Variants in CAPRIN1 observed in about 807,000 individuals in gnomAD.
CAPRIN1 encodes the protein caprin-1.
Under a neutral mutation model 100.9 loss-of-function variants are expected in CAPRIN1, and 29 were observed. The ratio of observed to expected loss-of-function variants is 0.29; its 90% CI spans 0.21 to 0.39. CAPRIN1 has a LOEUF of 0.39. CAPRIN1 is among the 10% of genes least tolerant of loss of function. CAPRIN1 has a pLI of 1.00. For synonymous variants in CAPRIN1, 338 were observed against 307.5 expected (o/e 1.10, Z -1.04); for missense variants, 795 against 876.7 (o/e 0.91, Z 1.18).
In CAPRIN1 at chr11:34,076,326, C is replaced by A; in HGVS notation, c.457C>A (p.Gln153Lys). The stretch of plus-strand genomic sequence containing the variant: ...ACGTTTAAAAACTGTACTTGAGCTA[C>A]AGTATGTTTTGGACAAATTGGGAGA... Reference protein sequence around the residue: ...QKRLKTVLELQYVLDKLGDDE... With the variant: ...QKRLKTVLELKYVLDKLGDDE... The change falls in exon 5 of 19, where the codon CAG becomes AAG. Residue 153 changes from glutamine to lysine, a missense_variant. Coordinates refer to ENST00000341394, the MANE Select transcript of CAPRIN1 (RefSeq NM_005898.5). The A allele has an allele frequency of 1.2e-6, 2 of 1,614,148 alleles. No homozygotes were observed. Among genetic ancestry groups the A allele is most frequent in the Non-Finnish European group, 1.7e-6 (2 of 1,180,010 alleles).
At chr11:34,088,801 CATTTT>C (rs1299912373) in intron 11 of CAPRIN1, among the ~76,000 whole-genome samples, 2 of 152,134 alleles carry the variant, frequency 1.3e-5, no homozygotes, top group Non-Finnish European at 2.9e-5. Flanking sequence ...ATTCTATTAA[CATTTT>C]ACTTTACTTT....
At chr11:34,082,551 C>A (rs1050175288) in intron 7 of CAPRIN1, among the ~76,000 whole-genome samples, 6 of 152,092 alleles carry the variant, frequency 3.9e-5, no homozygotes, top group Non-Finnish European at 8.8e-5. Context: ...GTAGAGATTT[C>A]CCATTTACTT....
At chr11:34,054,209 A>C (rs1416475631) in intron 2 of CAPRIN1, among the ~76,000 whole-genome samples, 1 of 150,456 alleles carries the variant, frequency 6.6e-6, no homozygotes, top group Non-Finnish European at 1.5e-5. Context: ...CTTGAATTTC[A>C]TGGACTTGGG....
chr11:34,076,545 A>G lies in CAPRIN1; in HGVS notation c.606-15A>G. The G allele has an allele frequency of 7.5e-6, 12 of 1,610,422 alleles. No homozygotes were observed. Among genetic ancestry groups the G allele is most frequent in the East Asian group, 4.5e-5 (2 of 44,852 alleles). ...ACAACTGAAAGGTTATTAATTAGCT[A>G]TTTACTATTAAAAGGTTGAATGAAC... On this transcript the variant is annotated splice_polypyrimidine_tract_variant and intron_variant, in intron 5 of 18. Coordinates refer to ENST00000341394, the MANE Select transcript of CAPRIN1 (RefSeq NM_005898.5).
intron 11 of CAPRIN1, among the ~76,000 whole-genome samples, chr11:34,087,328 C>CTTT (rs1565095087): frequency 1.6e-4 from 15 of 94,590 alleles, no homozygotes; most frequent in African/African-American, 5.8e-4. Context: ...ATATCTCTCA[C>CTTT]ATTTTTTTTT....
chr11:34,090,998 T>G (rs1851253169), intron 14 of CAPRIN1, among the ~76,000 whole-genome samples: 2 of 152,170 alleles, frequency 1.3e-5, no homozygotes, highest in Non-Finnish European at 2.9e-5. Flanking sequence ...TTACCTAGAT[T>G]TAATAGTTGC....
chr11:34,061,375 T>G (rs113430917), intron 2 of CAPRIN1, among the ~76,000 whole-genome samples: 25 of 151,872 alleles, frequency 1.6e-4, no homozygotes, highest in African/African-American at 5.8e-4. Context: ...CCCGGCTAAT[T>G]TTCTGTATTT....
chr11:34,089,362 T>G (rs1291530774), intron 11 of CAPRIN1, 33 bp from the exon 12 acceptor site: 1 of 1,462,900 alleles, frequency 6.8e-7, no homozygotes, highest in Non-Finnish European at 9.4e-7. Flanking sequence ...AATTTAATTT[T>G]GTTTGACAAA....
Position 34,071,727 on chromosome 11 carries a change from G to T in CAPRIN1, c.218G>T (p.Gly73Val), listed in dbSNP as rs1160630812. The T allele has an allele frequency of 1.2e-6, 2 of 1,608,514 alleles. No individual in the cohort carries two copies. Among genetic ancestry groups the T allele is most frequent in the Admixed American group, 1.7e-5 (1 of 59,974 alleles). ...ATTCTTTTTTTTCTTTTAACATAGG[G>T]TAAGCTTGATGATTACCAGGAACGA... ...KKLRNLEKKK[G>V]KLDDYQERMN... The change falls in exon 3 of 19, where the codon GGT becomes GTT. Residue 73 changes from glycine (G) to valine (V), a missense_variant and splice_region_variant. Gly to Val is a moderately radical substitution (Grantham distance 109). Coordinates refer to ENST00000341394, the MANE Select transcript of CAPRIN1 (RefSeq NM_005898.5).
intron 15 of CAPRIN1, among the ~76,000 whole-genome samples, chr11:34,092,944 C>G (rs1015696440): frequency 6.6e-6 from 1 of 151,994 alleles, no homozygotes; most frequent in South Asian, 2.1e-4. Context: ...CCTCAAACTC[C>G]TGGGCTCAAT....
At chr11:34,098,156 C>T in intron 18 of CAPRIN1, 1 of 1,004,326 alleles carries the variant, frequency 1.0e-6, no homozygotes, top group Non-Finnish European at 1.2e-6. Context: ...TTTTTTGAAA[C>T]ATGCCTATTA....
At chr11:34,052,375 C>T (rs775904765) in intron 1 of CAPRIN1, 46 bp from the exon 2 acceptor site, 4 of 1,513,676 alleles carry the variant, frequency 2.6e-6, no homozygotes, top group Non-Finnish European at 3.6e-6. Context: ...ACTGGCCGCT[C>T]TTGTCCTTCC....
In CAPRIN1 at chr11:34,052,875, C is replaced by T. The variant is rs866386343; in HGVS notation, c.216+239C>T. ...GGACGCGGCACTGTACCCCAGGCCT[C>T]TTTATTACTCTTCCGCTGTGGGTCC... On this transcript the variant is annotated intron_variant, in intron 2 of 18. Transcript: ENST00000341394. 553 of 1,390,926 alleles carry T rather than the reference C, an allele frequency of 4.0e-4. 3 individuals are homozygous for T. The highest frequency in any genetic ancestry group is 8.0e-4 in the Middle Eastern group (3 of 3,748). 86.2% of individuals were successfully genotyped at this position (1,390,926 alleles called of 1,614,324 possible).
At position 34,071,706 on chromosome 11, in the gene CAPRIN1, T is replaced by C; in HGVS notation, c.217-20T>C. The C allele has an allele frequency of 6.3e-7, 1 of 1,576,238 alleles. No homozygotes were observed. The highest frequency in any genetic ancestry group is 1.1e-5 in the South Asian group (1 of 89,920). ...ATACCTTCAAAACGGAATGTAATTCTTTTTTTTCTTTTAACATAGGGTAAG... is the reference window on the plus strand; with the variant it reads ...ATACCTTCAAAACGGAATGTAATTCCTTTTTTTCTTTTAACATAGGGTAAG... On this transcript the variant is annotated intron_variant, in intron 2 of 18. Coordinates refer to ENST00000341394, the MANE Select transcript of CAPRIN1 (RefSeq NM_005898.5).
chr11:34,097,895 T>C (rs1851396278), intron 18 of CAPRIN1, 134 bp downstream of exon 18: 4 of 1,450,152 alleles, frequency 2.8e-6, no homozygotes, highest in African/African-American at 1.4e-5. Flanking sequence ...AATGAAATGC[T>C]CTGTTTCTAA....
At chr11:34,096,951 GA>G (rs1565099150) in intron 16 of CAPRIN1, among the ~76,000 whole-genome samples, 1 of 152,130 alleles carries the variant, frequency 6.6e-6, no homozygotes, top group Non-Finnish European at 1.5e-5. Flanking sequence ...AACTTACGGG[GA>G]TTGTTTATTA....
intron 18 of CAPRIN1, chr11:34,098,877 C>T (rs1220334653): frequency 1.0e-6 from 1 of 992,362 alleles, no homozygotes; most frequent in African/African-American, 1.7e-5. Flanking sequence ...CATTCTGGTG[C>T]TTTTATTAAT....
At chr11:34,070,945 G>A (rs988299030) in intron 2 of CAPRIN1, among the ~76,000 whole-genome samples, 3 of 150,888 alleles carry the variant, frequency 2.0e-5, no homozygotes, top group Non-Finnish European at 3.0e-5. Flanking sequence ...CAGGTGATCC[G>A]CCCACCTTGG....
chr11:34,086,646 G>A (rs1323074126), intron 11 of CAPRIN1, among the ~76,000 whole-genome samples: 7 of 152,032 alleles, frequency 4.6e-5, no homozygotes, highest in East Asian at 3.8e-4. Flanking sequence ...AAAAATATAC[G>A]CAAGTTTAAT....
Sources: allele counts gnomAD v4.1 joint callset (sites outside exome capture counted in the v4.1 genomes callset), GRCh38; gene constraint gnomAD v4.1.1; transcripts MANE v1.5; gene names NCBI Gene and HGNC (gene_info 2026-07-23, HGNC 2026-07-21).